Variants in RELB observed in about 807,000 individuals in gnomAD.
The protein encoded by RELB is RELB proto-oncogene, NF-kB subunit, also known as transcription factor RelB.
In RELB, 14 loss-of-function variants were observed where a neutral mutation model predicts 55.4. That is an observed-to-expected ratio of 0.25 (90% CI 0.17 to 0.40). The LOEUF (loss-of-function observed/expected upper bound fraction) is 0.40. Among genes scored for constraint, RELB ranks in the 10% least tolerant of loss-of-function variants. RELB has a pLI of 1.00. For synonymous variants in RELB, 409 were observed against 371.3 expected, an observed-to-expected ratio of 1.10 and a Z score of -1.17; for missense variants, 669 against 830.7, an observed-to-expected ratio of 0.81 and a Z score of 2.39.
intron 8 of RELB, among the ~76,000 whole-genome samples, chr19:45,029,201 G>A (rs35797758): frequency 0.012 from 1,859 of 152,318 alleles, 42 homozygotes; most frequent in African/African-American, 0.043. Flanking sequence ...TGCGTAGGAC[G>A]ACAGAGACTC....
At position 45,001,594 on chromosome 19, in the gene RELB, G is replaced by A. The variant is rs1971209644; in HGVS notation, c.15G>A (p.Gly5=). 6.7e-7 allele frequency: 1 copy of A among 1,496,930 alleles called. No individual in the cohort carries two copies. Among genetic ancestry groups the A allele is most frequent in the Non-Finnish European group, 8.9e-7 (1 of 1,129,864 alleles). The allele number at this position is 1,496,930 out of a possible 1,614,324, so 92.7% of individuals were successfully genotyped here. A position where few individuals can be genotyped will look rare whatever the true frequency, so the allele number is the denominator to read the frequency against. The part of the protein sequence containing the change: MLRS[G]PASGPSVPTG... ...GGCCCGCGTGCATGCTTCGGTCTGG[G>A]CCAGCCTCTGGGCCGTCCGTCCCCA... The change falls in exon 1 of 12, where the codon GGG becomes GGA. Residue 5 remains glycine, a synonymous_variant. Coordinates refer to ENST00000221452, the MANE Select transcript of RELB (RefSeq NM_006509.4).
intron 4 of RELB, among the ~76,000 whole-genome samples, chr19:45,014,526 G>GT (rs1429944100): frequency 4.8e-5 from 4 of 83,680 alleles, no homozygotes; most frequent in East Asian, 1.3e-3. Context: ...TTTGTTTTTT[G>GT]GTTTTTTTTT....
intron 7 of RELB, 28 bp downstream of exon 7, chr19:45,025,765 G>A (rs1192076643): frequency 6.2e-7 from 1 of 1,613,400 alleles, no homozygotes; most frequent in Admixed American, 1.7e-5. Context: ...TGGCCGTTAG[G>A]ATTGCCCTTG....
chr19:45,035,041 C>T (rs1337345937), intron 11 of RELB, among the ~76,000 whole-genome samples: 1 of 151,630 alleles, frequency 6.6e-6, no homozygotes, highest in Non-Finnish European at 1.5e-5. Flanking sequence ...GGTGTTTTAC[C>T]ACATTGGCCA....
rs146840267 is a variant in RELB, at chr19:45,013,510, C to G, written c.504+1234C>G. 1.6e-3 allele frequency among the ~76,000 whole-genome samples: 245 copies of G among 152,160 alleles called. 1 individual carries two copies. Among genetic ancestry groups the G allele is most frequent in the African/African-American group, 5.6e-3 (232 of 41,530 alleles). ...GTGTTTCGTGAGTTGAACATTTGTGCAGAACAGGACGGATGTTTTGTAGAA... is the reference window on the plus strand; with the variant it reads ...GTGTTTCGTGAGTTGAACATTTGTGGAGAACAGGACGGATGTTTTGTAGAA... On this transcript the variant is annotated intron_variant, in intron 4 of 11. Coordinates refer to ENST00000221452, the MANE Select transcript of RELB (RefSeq NM_006509.4).
At chr19:45,032,326 G>A in intron 8 of RELB, 1 of 515,486 alleles carries the variant, frequency 1.9e-6, no homozygotes, top group Non-Finnish European at 3.5e-6. Flanking sequence ...GGCTGAGGCA[G>A]GAGAATTGCT....
chr19:45,008,407 C>G, intron 2 of RELB: 1 of 456,170 alleles, frequency 2.2e-6, no homozygotes, highest in South Asian at 1.5e-5. Flanking sequence ...CCCCCTACAG[C>G]CCGGGAGCCT....
chr19:45,002,090 T>C (rs185625998), intron 1 of RELB, among the ~76,000 whole-genome samples: 3,102 of 110,532 alleles, frequency 0.028, 46 homozygotes, highest in Non-Finnish European at 0.035. Flanking sequence ...AGCAGGGCCC[T>C]ACGCTGAGGG....
At position 45,011,994 on chromosome 19, in the gene RELB, C is replaced by T. The variant is rs1213322272; in HGVS notation, c.222C>T (p.Gly74=). ...NGFGLDGGQP[G]PGEGLPRLVS... ...TCGGCCTGGACGGGGGACAGCCGGGCCCGGGCGAGGGGCTGCCACGCCTGG... is the reference window on the plus strand; with the variant it reads ...TCGGCCTGGACGGGGGACAGCCGGGTCCGGGCGAGGGGCTGCCACGCCTGG... The change falls in exon 4 of 12, where the codon GGC becomes GGT. Residue 74 remains glycine, a synonymous_variant. Transcript: ENST00000221452. 2.5e-6 allele frequency: 4 copies of T among 1,576,450 alleles called. No homozygotes were observed. The highest frequency in any genetic ancestry group is 2.4e-5 in the East Asian group (1 of 41,372).
intron 4 of RELB, among the ~76,000 whole-genome samples, chr19:45,015,551 A>G (rs949127272): frequency 4.6e-5 from 7 of 151,874 alleles, no homozygotes; most frequent in African/African-American, 1.5e-4. Flanking sequence ...CCCAGGTGAC[A>G]TGGCAAGATG....
chr19:45,028,864 C>G (rs190031673), intron 7 of RELB, 24 bp from the exon 8 acceptor site: 1 of 1,551,978 alleles, frequency 6.4e-7, no homozygotes. Context: ...TTTTAATACA[C>G]TTCTTCCTCT....
chr19:45,010,630 G>T (rs1037706414), intron 3 of RELB, among the ~76,000 whole-genome samples: 2 of 152,098 alleles, frequency 1.3e-5, no homozygotes, highest in African/African-American at 4.8e-5. Context: ...GTTGAATGGG[G>T]GACCGTGTGG....
chr19:45,032,257 A>C (rs1971632401), intron 8 of RELB, among the ~76,000 whole-genome samples: 1 of 151,656 alleles, frequency 6.6e-6, no homozygotes, highest in South Asian at 2.1e-4. Flanking sequence ...ACAAAAAAAA[A>C]CCAAAAATAA....
At position 45,004,705 on chromosome 19, in the gene RELB, T is replaced by C. The variant is rs979041847; in HGVS notation, c.154+1709T>C. On this transcript the variant is annotated intron_variant, in intron 2 of 11. Transcript: ENST00000221452. Reference sequence around the variant, plus strand: ...CAACATGGAGAAACACCATCTCTACTAAAAATACAAAATTAGCTGGGCGTG... The same window carrying C: ...CAACATGGAGAAACACCATCTCTACCAAAAATACAAAATTAGCTGGGCGTG... 2.0e-5 allele frequency among the ~76,000 whole-genome samples: 3 copies of C among 151,356 alleles called. No individual in the cohort carries two copies. The East Asian group carries it at 5.9e-4, about 30-fold the overall frequency.
intron 1 of RELB, among the ~76,000 whole-genome samples, chr19:45,002,097 AGG>A (rs1425477201): frequency 1.7e-4 from 1 of 5,792 alleles, no homozygotes; most frequent in East Asian, 4.8e-3. Context: ...CCCTACGCTG[AGG>A]GGTGAGGGGG....
At chr19:45,022,470 T>C (rs1019632270) in intron 5 of RELB, among the ~76,000 whole-genome samples, 5 of 151,990 alleles carry the variant, frequency 3.3e-5, no homozygotes, top group African/African-American at 1.2e-4. Context: ...GCACAGATAA[T>C]TGATGACAGA....
At chr19:45,013,077 C>A (rs1352646039) in intron 4 of RELB, among the ~76,000 whole-genome samples, 1 of 150,182 alleles carries the variant, frequency 6.7e-6, no homozygotes, top group Non-Finnish European at 1.5e-5. Flanking sequence ...ATATATATAA[C>A]ACTGGAAGTA....
chr19:45,013,347 G>C (rs34341584), intron 4 of RELB, among the ~76,000 whole-genome samples: 311 of 151,840 alleles, frequency 2.0e-3, no homozygotes, highest in African/African-American at 6.9e-3. Context: ...TGCCATGTTG[G>C]CCAGGCTGGT....
chr19:45,023,854 G>A (rs576712826), intron 5 of RELB, among the ~76,000 whole-genome samples: 83 of 138,652 alleles, frequency 6.0e-4, no homozygotes, highest in African/African-American at 2.2e-3. Flanking sequence ...GGATTCAAAC[G>A]ATTCTCCTGC....
Sources: allele counts gnomAD v4.1 joint callset (sites outside exome capture counted in the v4.1 genomes callset), GRCh38; gene constraint gnomAD v4.1.1; transcripts MANE v1.5; gene names NCBI Gene and HGNC (gene_info 2026-07-23, HGNC 2026-07-21).